TUSC3: variants seen among roughly 807,000 people sequenced by gnomAD.
TUSC3 encodes the protein tumor suppressor candidate 3.
TUSC3 carries 45 observed loss-of-function variants against 44.8 expected under a neutral mutation model. The observed-to-expected ratio is 1.00, with a 90% CI of 0.79 to 1.29. The LOEUF is 1.29. Ranked by LOEUF, TUSC3 falls within the 50% of genes most tolerant of loss-of-function variation. The pLI is 0.00. For missense variants in TUSC3, 519 were observed against 437.9 expected, an observed-to-expected ratio of 1.19 and a Z score of -1.65; for synonymous variants, 212 against 152.9, an observed-to-expected ratio of 1.39 and a Z score of -2.85.
chr8:15,575,454 T>C (rs1724486140), intron 1 of TUSC3, among the ~76,000 whole-genome samples: 1 of 152,172 alleles, frequency 6.6e-6, no homozygotes, highest in Non-Finnish European at 1.5e-5. Flanking sequence ...AAGAGGATAA[T>C]ATATATTTTA....
chr8:15,618,614 C>G (rs560750641), intron 1 of TUSC3, among the ~76,000 whole-genome samples: 27 of 152,172 alleles, frequency 1.8e-4, no homozygotes, highest in Non-Finnish European at 3.7e-4. Context: ...CGTAAAGGAC[C>G]TGCCTGAGGC....
chr8:15,665,991 A>T (rs1807643125), intron 5 of TUSC3, among the ~76,000 whole-genome samples: 1 of 151,406 alleles, frequency 6.6e-6, no homozygotes, highest in Non-Finnish European at 1.5e-5. Flanking sequence ...CATATACATT[A>T]CTTGCTTTAT....
At chr8:15,435,442 G>C (rs1799933620) in intron 1 of TUSC3, among the ~76,000 whole-genome samples, 1 of 152,134 alleles carries the variant, frequency 6.6e-6, no homozygotes, top group Non-Finnish European at 1.5e-5. Flanking sequence ...AAGGAATATA[G>C]TGAAGTACTC....
At chr8:15,630,319 C>T (rs1805702448) in intron 2 of TUSC3, among the ~76,000 whole-genome samples, 1 of 152,122 alleles carries the variant, frequency 6.6e-6, no homozygotes, top group Non-Finnish European at 1.5e-5. Context: ...TTACAAAATA[C>T]TTTGAGAAGA....
intron 1 of TUSC3, among the ~76,000 whole-genome samples, chr8:15,608,653 T>A (rs1452713020): frequency 6.6e-6 from 1 of 152,072 alleles, no homozygotes; most frequent in Admixed American, 6.6e-5. Flanking sequence ...AGTGCGTGAG[T>A]CTCGTGAGAT....
intron 6 of TUSC3, among the ~76,000 whole-genome samples, chr8:15,717,547 T>C (rs1810103981): frequency 6.6e-6 from 1 of 152,252 alleles, no homozygotes; most frequent in Admixed American, 6.5e-5. Context: ...CTTGTCACAC[T>C]GTACCTGTTT....
At chr8:15,668,022 CAT>C (rs553914822) in intron 5 of TUSC3, among the ~76,000 whole-genome samples, 372 of 151,838 alleles carry the variant, frequency 2.4e-3, no homozygotes, top group Non-Finnish European at 3.9e-3. Context: ...AGAAAGATAA[CAT>C]GTGGTTATGT....
chr8:15,489,033 G>C (rs1283296234), intron 2 of TUSC3, among the ~76,000 whole-genome samples: 1 of 152,160 alleles, frequency 6.6e-6, no homozygotes, highest in Admixed American at 6.5e-5. Flanking sequence ...TATTTATAGA[G>C]ACTTACTCTG....
chr8:15,470,794 C>G lies in TUSC3; in HGVS notation n.92-12592C>G, dbSNP rs550760688. Among the ~76,000 whole-genome samples, 21 of 152,102 alleles carry G rather than the reference C, an allele frequency of 1.4e-4. 1 individual carries two copies. The highest frequency in any genetic ancestry group is 4.8e-4 in the African/African-American group (20 of 41,502). ...GTTCCTCTGGTTTTCTGTCATGTCC[C>G]AAAGATTCAGGAAATTGCTGTGTCT... On this transcript the variant is annotated intron_variant and non_coding_transcript_variant, in intron 1 of 5. Transcript: ENST00000503191.
chr8:15,702,839 C>T (rs1809459747), intron 6 of TUSC3, among the ~76,000 whole-genome samples: 1 of 152,132 alleles, frequency 6.6e-6, no homozygotes, highest in South Asian at 2.1e-4. Context: ...CTAATAGCTT[C>T]ATCAGACTAG....
chr8:15,484,296 C>T (rs1297329439), intron 2 of TUSC3, among the ~76,000 whole-genome samples: 2 of 152,188 alleles, frequency 1.3e-5, no homozygotes, highest in Non-Finnish European at 1.5e-5. Flanking sequence ...CACAATTTCC[C>T]AGGAAGCCTT....
chr8:15,475,573 C>A, intron 1 of TUSC3, among the ~76,000 whole-genome samples: 1 of 152,104 alleles, frequency 6.6e-6, no homozygotes, highest in South Asian at 2.1e-4. Context: ...GCTGTCACTT[C>A]TATAGAGTTG....
the TUSC3 span, among the ~76,000 whole-genome samples, chr8:15,800,051 G>A: frequency 6.6e-6 from 1 of 152,084 alleles, no homozygotes; most frequent in South Asian, 2.1e-4. Flanking sequence ...CATGTCCAAG[G>A]GGACATAACT....
In TUSC3 at chr8:15,491,670, A is replaced by G. The variant is rs369316175; in HGVS notation, n.189+8187A>G. On this transcript the variant is annotated intron_variant and non_coding_transcript_variant, in intron 2 of 5. Transcript: ENST00000503191. ...GCAATATTCTTTCTCCAGCTGATTTACAAGGAAGAGGCTGGAGAAACTAAG... is the reference window on the plus strand; with the variant it reads ...GCAATATTCTTTCTCCAGCTGATTTGCAAGGAAGAGGCTGGAGAAACTAAG... 5.5e-4 allele frequency among the ~76,000 whole-genome samples: 84 copies of G among 152,316 alleles called. 1 individual carries two copies. In the South Asian group the frequency reaches 0.016, roughly 29 times the overall value.
intron 5 of TUSC3, among the ~76,000 whole-genome samples, chr8:15,671,435 T>C (rs1232028793): frequency 6.6e-6 from 1 of 152,040 alleles, no homozygotes; most frequent in Non-Finnish European, 1.5e-5. Context: ...GCATCAGTTA[T>C]GAGAATTTTG....
At chr8:15,563,628 G>T (rs553220540) in intron 1 of TUSC3, among the ~76,000 whole-genome samples, 8 of 142,508 alleles carry the variant, frequency 5.6e-5, no homozygotes, top group Admixed American at 3.0e-4. Flanking sequence ...AGAGGATTCA[G>T]TGAGCCCGGA....
At chr8:15,449,207 C>A (rs780306913) in intron 1 of TUSC3, among the ~76,000 whole-genome samples, 1 of 152,050 alleles carries the variant, frequency 6.6e-6, no homozygotes, top group Admixed American at 6.6e-5. Flanking sequence ...CTGAAGGAAG[C>A]GGCCAAATAT....
At chr8:15,435,950 G>A (rs573844719) in intron 1 of TUSC3, among the ~76,000 whole-genome samples, 1 of 152,144 alleles carries the variant, frequency 6.6e-6, no homozygotes, top group African/African-American at 2.4e-5. Context: ...GAGAAGCTTT[G>A]TCTGGGGAGT....
At chr8:15,686,711 T>C (rs1808645002) in intron 6 of TUSC3, among the ~76,000 whole-genome samples, 1 of 152,144 alleles carries the variant, frequency 6.6e-6, no homozygotes, top group Non-Finnish European at 1.5e-5. Context: ...ATTCAGTAGC[T>C]TTATTACAGT....
Sources: allele counts gnomAD v4.1 joint callset (sites outside exome capture counted in the v4.1 genomes callset), GRCh38; gene constraint gnomAD v4.1.1; transcripts MANE v1.5; gene names NCBI Gene and HGNC (gene_info 2026-07-23, HGNC 2026-07-21).